The following ANKHD1 variants were observed in gnomAD, a reference collection of about 807,000 sequenced individuals.
The protein encoded by ANKHD1 is ankyrin repeat and KH domain-containing protein 1.
A neutral mutation model predicts 230.5 loss-of-function variants in ANKHD1; 31 were observed. That is an observed-to-expected ratio of 0.13 (90% CI 0.10 to 0.18). The LOEUF is 0.18. Ranked by LOEUF, ANKHD1 falls within the 10% of genes least tolerant of loss-of-function variation. The pLI is 1.00. For missense variants in ANKHD1, 2,256 were observed against 3,071.3 expected, an observed-to-expected ratio of 0.73 and a Z score of 6.27; for synonymous variants, 1,074 against 1,117.6, an observed-to-expected ratio of 0.96 and a Z score of 0.78.
chr5:140,443,693 A>G (rs1418343325), intron 5 of ANKHD1, among the ~76,000 whole-genome samples: 1 of 152,014 alleles, frequency 6.6e-6, no homozygotes, highest in African/African-American at 2.4e-5. Flanking sequence ...AAAAAAAAAA[A>G]AAAGAAAAAT....
At chr5:140,454,235 G>A (rs1774982620) in intron 7 of ANKHD1, among the ~76,000 whole-genome samples, 1 of 152,112 alleles carries the variant, frequency 6.6e-6, no homozygotes, top group African/African-American at 2.4e-5. Context: ...CCTACAAAGA[G>A]ACTTAGACTC....
intron 7 of ANKHD1, among the ~76,000 whole-genome samples, chr5:140,455,233 A>G (rs1198418965): frequency 6.6e-6 from 1 of 152,158 alleles, no homozygotes; most frequent in African/African-American, 2.4e-5. Context: ...TAGCCTACCA[A>G]CCAAAAAAAG....
At chr5:140,445,698 T>G in intron 5 of ANKHD1, 44 bp from the exon 6 acceptor site, 1 of 1,395,150 alleles carries the variant, frequency 7.2e-7, no homozygotes, top group Non-Finnish European at 9.4e-7. Flanking sequence ...ATTTTTTAAA[T>G]ATATATTCTG....
chr5:140,532,135 A>T (rs1171379959), intron 29 of ANKHD1, among the ~76,000 whole-genome samples: 4 of 149,468 alleles, frequency 2.7e-5, no homozygotes, highest in Non-Finnish European at 4.4e-5. Flanking sequence ...TGAACACAGG[A>T]GGTGGAGGTT....
intron 1 of ANKHD1, among the ~76,000 whole-genome samples, chr5:140,427,313 G>A (rs1447581504): frequency 7.7e-5 from 11 of 143,384 alleles, no homozygotes; most frequent in East Asian, 2.2e-4. Context: ...GCGGCTGGCC[G>A]GGTGGGGGGC....
At chr5:140,510,309 CT>C (rs34693244) in intron 22 of ANKHD1, 128 bp downstream of exon 22, 45,200 of 533,772 alleles carry the variant, frequency 0.085, 5 homozygotes, top group Middle Eastern at 0.11. Context: ...TCTTTCCATT[CT>C]TTTTTTTTTT....
At chr5:140,509,456 T>C (rs1752669403) in intron 20 of ANKHD1, among the ~76,000 whole-genome samples, 181 bp from the exon 21 acceptor site, 1 of 152,242 alleles carries the variant, frequency 6.6e-6, no homozygotes, top group Non-Finnish European at 1.5e-5. Context: ...TTTCTACTGC[T>C]GTTTAGTAAA....
intron 14 of ANKHD1, among the ~76,000 whole-genome samples, chr5:140,493,898 C>G (rs996409593): frequency 2.0e-5 from 3 of 152,132 alleles, no homozygotes; most frequent in African/African-American, 2.4e-5. Context: ...TTGGATTATA[C>G]TATGTATAAA....
At chr5:140,419,792 T>TCTC (rs1561690782) in intron 1 of ANKHD1, among the ~76,000 whole-genome samples, 10 of 61,244 alleles carry the variant, frequency 1.6e-4, no homozygotes, top group Middle Eastern at 0.011. Flanking sequence ...CTTTCTTTCT[T>TCTC]TCTTTCTTTC....
intron 8 of ANKHD1, 104 bp downstream of exon 8, chr5:140,458,966 A>ATG (rs1775451477): frequency 8.2e-5 from 2 of 24,270 alleles, no homozygotes; most frequent in African/African-American, 3.4e-4. Flanking sequence ...ATATATATAT[A>ATG]TATATATATA....
chr5:140,523,647 G>A (rs1457636047), intron 24 of ANKHD1, among the ~76,000 whole-genome samples: 2 of 149,442 alleles, frequency 1.3e-5, no homozygotes, highest in Non-Finnish European at 3.0e-5. Context: ...TGCAACCTCT[G>A]TCTCCCAGGT....
At chr5:140,539,200 G>T in intron 33 of ANKHD1, 117 bp downstream of exon 33, 1 of 1,512,082 alleles carries the variant, frequency 6.6e-7, no homozygotes, top group Non-Finnish European at 8.8e-7. Flanking sequence ...GATCTGGATT[G>T]CTTTTTCAAT....
At chr5:140,526,801 T>C (rs1753626270) in intron 26 of ANKHD1, 127 bp from the exon 27 acceptor site, 1 of 1,302,490 alleles carries the variant, frequency 7.7e-7, no homozygotes, top group African/African-American at 1.5e-5. Context: ...TTCTGACTCA[T>C]TGATTATTTG....
chr5:140,433,627 CA>C (rs1773227720), intron 1 of ANKHD1, among the ~76,000 whole-genome samples: 1 of 151,962 alleles, frequency 6.6e-6, no homozygotes, highest in Non-Finnish European at 1.5e-5. Context: ...TTTCTTCTAC[CA>C]CATTTTTGTA....
chr5:140,459,684 G>T (rs1269902016), intron 9 of ANKHD1, among the ~76,000 whole-genome samples: 2 of 151,896 alleles, frequency 1.3e-5, no homozygotes, highest in Non-Finnish European at 2.9e-5. Flanking sequence ...TAATTAGCTT[G>T]ATCTAATCAT....
At chr5:140,502,519 T>C (rs913505177) in intron 15 of ANKHD1, among the ~76,000 whole-genome samples, 9 of 152,172 alleles carry the variant, frequency 5.9e-5, no homozygotes, top group Admixed American at 5.2e-4. Flanking sequence ...TATACCTGTT[T>C]TTCATAATAA....
intron 26 of ANKHD1, 68 bp from the exon 27 acceptor site, chr5:140,526,860 G>A (rs950429880): frequency 5.3e-6 from 8 of 1,511,938 alleles, no homozygotes; most frequent in Non-Finnish European, 7.1e-6. Context: ...TGGCTATAAA[G>A]GAATAGTCTC....
intron 1 of ANKHD1, among the ~76,000 whole-genome samples, chr5:140,412,760 TG>T (rs1311513339): frequency 6.6e-6 from 1 of 152,216 alleles, no homozygotes; most frequent in Non-Finnish European, 1.5e-5. Context: ...TTACAGACAG[TG>T]CATGGTTCCT....
intron 14 of ANKHD1, among the ~76,000 whole-genome samples, chr5:140,494,362 T>A (rs1041207363): frequency 1.3e-5 from 2 of 152,144 alleles, no homozygotes; most frequent in African/African-American, 4.8e-5. Flanking sequence ...AAATATAAAT[T>A]GAGGAAGGCT....
Sources: gnomAD v4.1 joint callset for allele counts (sites outside exome capture counted in the v4.1 genomes callset) on GRCh38, gnomAD v4.1.1 for gene constraint, MANE v1.5 for transcripts, NCBI Gene and HGNC (gene_info 2026-07-23, HGNC 2026-07-21) for gene names.